The following NCOR1 variants were observed in gnomAD, a reference collection of about 807,000 sequenced individuals.
NCOR1 encodes the protein nuclear receptor corepressor 1.
NCOR1 carries 63 observed loss-of-function variants against 288.1 expected under a neutral mutation model. The observed-to-expected ratio is 0.22, with a 90% CI of 0.18 to 0.27. The LOEUF (loss-of-function observed/expected upper bound fraction) is 0.27. NCOR1 is among the 10% of genes least tolerant of loss of function. NCOR1 has a pLI of 1.00. For missense variants in NCOR1, 2,397 were observed against 3,019.2 expected, an observed-to-expected ratio of 0.79 and a Z score of 4.83; for synonymous variants, 1,007 against 1,065.9, an observed-to-expected ratio of 0.94 and a Z score of 1.08.
At chr17:16,032,995 C>T (rs1223211760) in intron 45 of NCOR1, among the ~76,000 whole-genome samples, 1 of 152,082 alleles carries the variant, frequency 6.6e-6, no homozygotes, top group African/African-American at 2.4e-5. Context: ...ACACTGCTAC[C>T]CTTCATCAGT....
chr17:16,083,135 A>G (rs1177464639), intron 23 of NCOR1, among the ~76,000 whole-genome samples: 1 of 151,988 alleles, frequency 6.6e-6, no homozygotes, highest in Non-Finnish European at 1.5e-5. Flanking sequence ...TGGGAGGCTG[A>G]GGCTGGAGAA....
In NCOR1 at chr17:16,030,563, T is replaced by G. The variant is rs932382910; in HGVS notation, c.*1733A>C. The G allele has an allele frequency of 5.9e-5, 11 of 187,594 alleles. No homozygotes were observed. The highest frequency in any genetic ancestry group is 1.1e-4 in the Non-Finnish European group (10 of 88,970). The allele number at this position is 187,594 out of a possible 1,614,324, so 11.6% of individuals were successfully genotyped here. On this transcript the variant is annotated 3_prime_UTR_variant, in exon 46 of 46. Coordinates refer to ENST00000268712, the MANE Select transcript of NCOR1 (RefSeq NM_006311.4). Reference sequence around the variant, plus strand: ...CACTGTTTTTCATTCATTTTGAAATTTTTATATGTTTACATATATCTGTTG... The same window carrying G: ...CACTGTTTTTCATTCATTTTGAAATGTTTATATGTTTACATATATCTGTTG...
At chr17:16,163,115 G>A (rs2081217813) in intron 5 of NCOR1, among the ~76,000 whole-genome samples, 1 of 152,046 alleles carries the variant, frequency 6.6e-6, no homozygotes, top group Admixed American at 6.6e-5. Context: ...CGCGAATTAG[G>A]CAATGGGTCT....
intron 21 of NCOR1, among the ~76,000 whole-genome samples, chr17:16,092,647 TTATATATATATATATATA>T (rs10592611): frequency 9.3e-5 from 3 of 32,134 alleles, no homozygotes; most frequent in African/African-American, 1.3e-4. Flanking sequence ...TCAGATCCAT[TTATATATATATATATATA>T]TATATATATA....
At chr17:16,064,275 T>A (rs2060873548) in intron 34 of NCOR1, 88 bp from the exon 35 acceptor site, 1 of 1,503,750 alleles carries the variant, frequency 6.7e-7, no homozygotes, top group Non-Finnish European at 9.0e-7. Flanking sequence ...TGACTGAAAA[T>A]TTTTCAAAAA....
chr17:16,082,401 G>T (rs1027947198), intron 23 of NCOR1, among the ~76,000 whole-genome samples: 3 of 152,078 alleles, frequency 2.0e-5, no homozygotes, highest in Non-Finnish European at 4.4e-5. Flanking sequence ...TGTATTCCAA[G>T]AACTAAAATA....
chr17:16,067,310 T>C (rs1418823334), intron 32 of NCOR1, among the ~76,000 whole-genome samples: 2 of 152,132 alleles, frequency 1.3e-5, no homozygotes, highest in African/African-American at 4.8e-5. Context: ...GAATGAAGAG[T>C]GGTTTCTCTG....
rs1286514125 is a variant in NCOR1, at chr17:16,080,023, T to C, written c.3442A>G (p.Thr1148Ala). Residue 1148 changes from threonine to alanine, a missense_variant, in exon 26 of 46, where the codon ACT (threonine) becomes GCT (alanine). Around this residue, in one of 11 missense-constraint regions of NCOR1, gnomAD observed 1,872 missense variants for 2,187.8 expected, o/e 0.86. Coordinates refer to ENST00000268712, the MANE Select transcript of NCOR1 (RefSeq NM_006311.4). ...TCCACTGAAATTTTGCTGGTTGGAG[T>C]TCCCCGAGTTATACTTCCTTCTTGT... The part of the protein sequence containing the change: ...AIQEGSITRG[T>A]PTSKISVESI... The C allele has an allele frequency of 1.2e-6, 2 of 1,614,054 alleles. No individual in the cohort carries two copies. Among genetic ancestry groups the C allele is most frequent in the Non-Finnish European group, 1.7e-6 (2 of 1,179,994 alleles).
At chr17:16,148,097 G>A (rs868223116) in intron 9 of NCOR1, among the ~76,000 whole-genome samples, 6 of 152,156 alleles carry the variant, frequency 3.9e-5, no homozygotes, top group Non-Finnish European at 5.9e-5. Context: ...GATTACAGGC[G>A]TGAGCCATTG....
intron 18 of NCOR1, among the ~76,000 whole-genome samples, chr17:16,116,294 T>G (rs2071567948): frequency 6.6e-6 from 1 of 152,154 alleles, no homozygotes; most frequent in Admixed American, 6.5e-5. Flanking sequence ...CATTATAACA[T>G]CATGAAATGG....
intron 17 of NCOR1, 101 bp downstream of exon 17, chr17:16,119,322 A>G (rs539244267): frequency 3.4e-6 from 3 of 874,936 alleles, no homozygotes; most frequent in Non-Finnish European, 1.8e-6. Flanking sequence ...TTTTTGAAAG[A>G]ATTTTTTTTC....
At chr17:16,049,129 G>T in intron 40 of NCOR1, 141 bp from the exon 41 acceptor site, 8 of 715,434 alleles carry the variant, frequency 1.1e-5, no homozygotes, top group Non-Finnish European at 8.4e-6. Flanking sequence ...GTTGCCTCAG[G>T]TATTCACTAT....
Position 16,138,227 on chromosome 17 carries a change from A to G in NCOR1, c.1353-15T>C. On this transcript the variant is annotated splice_polypyrimidine_tract_variant and intron_variant, in intron 12 of 45. Transcript: ENST00000268712. ...GCTGGATAAACCTGAGTGAAAACGA[A>G]AACAAAAACACACTTGCGTACAAAT... 1 of 1,603,608 alleles carries G rather than the reference A, an allele frequency of 6.2e-7. No homozygotes were observed.
intron 6 of NCOR1, among the ~76,000 whole-genome samples, chr17:16,154,405 A>C (rs2079376788): frequency 6.6e-6 from 1 of 152,236 alleles, no homozygotes. Flanking sequence ...CTCACTAGAC[A>C]CTAAGAAAAT....
At position 16,058,517 on chromosome 17, in the gene NCOR1, T is replaced by C. The variant is rs2060184722; in HGVS notation, c.5964A>G (p.Lys1988=). Residue 1988 remains lysine, a synonymous_variant, in exon 38 of 46, where the codon AAA becomes AAG. Transcript: ENST00000268712. The part of the protein sequence containing the change: ...PASSPAPPQE[K]LQTYQPEVVK... ...CAACCTCTGGCTGATAGGTCTGCAG[T>C]TTCTCCTGGGGTGGCGCAGGTGAGC... The C allele has an allele frequency of 2.5e-6, 4 of 1,614,088 alleles. No individual in the cohort carries two copies. The highest frequency in any genetic ancestry group is 3.4e-6 in the Non-Finnish European group (4 of 1,179,990).
In NCOR1 at chr17:16,067,953, C is replaced by T. The variant is rs953868639; in HGVS notation, c.4682G>A (p.Arg1561Gln). 3.1e-6 allele frequency: 5 copies of T among 1,614,056 alleles called. No individual in the cohort carries two copies. Among genetic ancestry groups the T allele is most frequent in the Middle Eastern group, 1.6e-4 (1 of 6,074 alleles). Residue 1561 changes from arginine (R) to glutamine (Q), a missense_variant, in exon 32 of 46, where the codon CGG (arginine) becomes CAG (glutamine). Physicochemically the swap from Arg to Gln is conservative, Grantham distance 43. Coordinates refer to ENST00000268712, the MANE Select transcript of NCOR1 (RefSeq NM_006311.4). Reference sequence around the variant, plus strand: ...ATCCAAGTGCGTGGGCAGGTGGCTCCGATAAACCTCGCCTGCAGTGCTGCC... The same window carrying T: ...ATCCAAGTGCGTGGGCAGGTGGCTCTGATAAACCTCGCCTGCAGTGCTGCC... ...HRGSTAGEVY[R>Q]SHLPTHLDPA...
At chr17:16,074,086 T>TA (rs1214850778) in intron 27 of NCOR1, among the ~76,000 whole-genome samples, 1 of 152,124 alleles carries the variant, frequency 6.6e-6, no homozygotes, top group Non-Finnish European at 1.5e-5. Context: ...TAAAAGAACG[T>TA]AAGCGTGGTA....
intron 3 of NCOR1, among the ~76,000 whole-genome samples, chr17:16,182,653 C>T (rs1236504769): frequency 6.6e-6 from 1 of 152,030 alleles, no homozygotes. Flanking sequence ...GAGGTTTCAC[C>T]GTGTTAGCCA....
chr17:16,110,243 T>A (rs1211286802), intron 18 of NCOR1, among the ~76,000 whole-genome samples: 1 of 151,920 alleles, frequency 6.6e-6, no homozygotes, highest in Non-Finnish European at 1.5e-5. Flanking sequence ...GTAGTCCCAG[T>A]TACACAGTAG....
Sources: allele counts gnomAD v4.1 joint callset (sites outside exome capture counted in the v4.1 genomes callset), GRCh38; gene constraint gnomAD v4.1.1; regional missense constraint gnomAD v4.1.1; transcripts MANE v1.5; gene names NCBI Gene and HGNC (gene_info 2026-07-23, HGNC 2026-07-21).